The following ETF1 variants were observed in gnomAD, a reference collection of about 807,000 sequenced individuals.
ETF1 encodes the protein eukaryotic peptide chain release factor subunit 1.
A neutral mutation model predicts 55.1 loss-of-function variants in ETF1; 4 were observed. The ratio of observed to expected loss-of-function variants is 0.07; its 90% CI spans 0.04 to 0.17. The LOEUF (loss-of-function observed/expected upper bound fraction) is 0.17, where lower values mean the gene tolerates loss of function less well. Ranked by LOEUF, ETF1 falls within the 10% of genes least tolerant of loss-of-function variation. ETF1 has a pLI of 1.00. For synonymous variants in ETF1, 157 were observed against 182.3 expected (o/e 0.86, Z 1.12); for missense variants, 142 against 523.6 (o/e 0.27, Z 7.11).
In ETF1 at chr5:138,542,950, G is replaced by C. The variant is rs1175573975; in HGVS notation, c.-18-14C>G. On this transcript the variant is annotated splice_polypyrimidine_tract_variant and intron_variant, in intron 1 of 10. Transcript: ENST00000360541. ...GCCTCCTCCTCCCTAGAGCGGCCCG[G>C]CGGGGCCCGGAGACACCAAGACCAC... is the stretch of plus-strand genomic sequence containing the variant. The C allele has an allele frequency of 1.9e-6, 3 of 1,611,450 alleles. No homozygotes were observed. Among genetic ancestry groups the C allele is most frequent in the Admixed American group, 3.3e-5 (2 of 59,842 alleles).
chr5:138,522,364 G>C (rs1038219965), intron 2 of ETF1, among the ~76,000 whole-genome samples: 1 of 152,056 alleles, frequency 6.6e-6, no homozygotes, highest in African/African-American at 2.4e-5. Context: ...CAAAGACATA[G>C]CATGTGAAGA....
chr5:138,528,179 T>G (rs1236843555), intron 2 of ETF1, among the ~76,000 whole-genome samples: 1 of 152,096 alleles, frequency 6.6e-6, no homozygotes, highest in Admixed American at 6.5e-5. Context: ...TGAAAACGGA[T>G]GGCAAAGGTA....
intron 8 of ETF1, 22 bp from the exon 9 acceptor site, chr5:138,510,651 A>ATG: frequency 1.2e-6 from 2 of 1,613,008 alleles, no homozygotes; most frequent in Non-Finnish European, 1.7e-6. Context: ...GGAGGAAAAA[A>ATG]TGTGTTAACC....
At chr5:138,523,839 A>T (rs1465984029) in intron 2 of ETF1, among the ~76,000 whole-genome samples, 1 of 152,060 alleles carries the variant, frequency 6.6e-6, no homozygotes, top group Non-Finnish European at 1.5e-5. Context: ...GGCTTGAGGC[A>T]GAACTGCTTG....
At chr5:138,531,828 C>T (rs927890038) in intron 2 of ETF1, among the ~76,000 whole-genome samples, 4 of 152,136 alleles carry the variant, frequency 2.6e-5, no homozygotes, top group South Asian at 2.1e-4. Context: ...GGGCGGATCA[C>T]GAGGTCAGGA....
At chr5:138,534,853 C>G (rs968893692) in intron 2 of ETF1, among the ~76,000 whole-genome samples, 5 of 151,658 alleles carry the variant, frequency 3.3e-5, no homozygotes, top group Non-Finnish European at 7.4e-5. Context: ...CCTGTATGTA[C>G]TTTAATTTCT....
intron 1 of ETF1, 80 bp from the exon 2 acceptor site, chr5:138,543,016 C>G (rs1766252303): frequency 7.6e-7 from 1 of 1,320,132 alleles, no homozygotes; most frequent in Admixed American, 2.1e-5. Flanking sequence ...CCCCCTTCCT[C>G]GCCATCCCCC....
In ETF1 at chr5:138,508,404, A is replaced by G. The variant is rs199874636; in HGVS notation, c.1232-17T>C. On this transcript the variant is annotated splice_polypyrimidine_tract_variant and intron_variant, in intron 10 of 10. Coordinates refer to ENST00000360541, the MANE Select transcript of ETF1 (RefSeq NM_004730.4). ...GCAAGATACCTGGGGAAACAAACCA[A>G]AAGGTAAATTACCTGTGTTCATGGG... 1 of 1,613,474 alleles carries G rather than the reference A, an allele frequency of 6.2e-7. No individual in the cohort carries two copies. The highest frequency in any genetic ancestry group is 1.3e-5 in the African/African-American group (1 of 75,052).
chr5:138,537,681 G>A (rs467365), intron 2 of ETF1, among the ~76,000 whole-genome samples: 8,419 of 140,466 alleles, frequency 0.06, 301 homozygotes, highest in African/African-American at 0.11. Flanking sequence ...TCCGCCTCCC[G>A]GGTTCAAGCC....
intron 3 of ETF1, 199 bp from the exon 4 acceptor site, chr5:138,517,899 T>TA: frequency 1.0e-6 from 1 of 985,178 alleles, no homozygotes; most frequent in Non-Finnish European, 1.2e-6. Context: ...CAGTACGATT[T>TA]ATTCTTTAAA....
At chr5:138,522,406 T>C (rs1293943126) in intron 2 of ETF1, among the ~76,000 whole-genome samples, 2 of 152,124 alleles carry the variant, frequency 1.3e-5, no homozygotes, top group African/African-American at 2.4e-5. Context: ...CTGTTGGGAA[T>C]GTTAAGTGGT....
chr5:138,511,403 T>TACACACACAC (rs71574422), intron 7 of ETF1, 72 bp downstream of exon 7: 33 of 967,762 alleles, frequency 3.4e-5, no homozygotes, highest in South Asian at 9.3e-5. Context: ...CACACACACA[T>TACACACACAC]ACACACACAC....
At chr5:138,511,421 C>T (rs1187649985) in intron 7 of ETF1, 54 bp downstream of exon 7, 1 of 1,596,430 alleles carries the variant, frequency 6.3e-7, no homozygotes, top group Non-Finnish European at 8.5e-7. Context: ...CACACACACA[C>T]ACACACACAC....
intron 2 of ETF1, among the ~76,000 whole-genome samples, chr5:138,525,846 T>C (rs1765446709): frequency 6.6e-6 from 1 of 150,388 alleles, no homozygotes; most frequent in East Asian, 2.0e-4. Context: ...CTTTGAAGGC[T>C]GAGGCAGGAG....
At chr5:138,515,076 G>T (rs941036134) in intron 4 of ETF1, among the ~76,000 whole-genome samples, 20 of 152,166 alleles carry the variant, frequency 1.3e-4, no homozygotes, top group Non-Finnish European at 2.1e-4. Flanking sequence ...TGACTAGAAA[G>T]CAGATGGATC....
chr5:138,510,577 G>A lies in ETF1; in HGVS notation c.1071C>T (p.Phe357=), dbSNP rs1300811696. 3.1e-6 allele frequency: 5 copies of A among 1,609,538 alleles called. No homozygotes were observed. The highest frequency in any genetic ancestry group is 1.6e-4 in the Middle Eastern group (1 of 6,080). The stretch of plus-strand genomic sequence containing the variant: ...AATAATCACATACCTCTTTGTCTGT[G>A]AAATGAGATTTATCCTTTTCTTGCT... ...TPEQEKDKSH[F]TDKETGQEHE... is the part of the protein sequence containing the mutation. The change falls in exon 9 of 11, where the codon TTC becomes TTT. Residue 357 remains phenylalanine (F), a synonymous_variant. Transcript: ENST00000360541.
intron 2 of ETF1, chr5:138,541,851 CT>C (rs565163612): frequency 3.5e-4 from 113 of 321,466 alleles, no homozygotes; most frequent in African/African-American, 2.4e-3. Flanking sequence ...AGGAATACCC[CT>C]GGCACACCTT....
intron 9 of ETF1, 96 bp downstream of exon 9, chr5:138,510,469 G>A (rs1764729227): frequency 7.8e-6 from 6 of 766,864 alleles, no homozygotes; most frequent in Non-Finnish European, 1.3e-5. Context: ...TTAGTATAAG[G>A]TTTGGTTTCC....
At chr5:138,513,433 T>A (rs576332825) in intron 5 of ETF1, 135 bp downstream of exon 5, 1 of 829,560 alleles carries the variant, frequency 1.2e-6, no homozygotes, top group Non-Finnish European at 1.9e-6. Flanking sequence ...CTCGAACTTC[T>A]GACTTCGTGA....
Sources: gnomAD v4.1 joint callset for allele counts (sites outside exome capture counted in the v4.1 genomes callset) on GRCh38, gnomAD v4.1.1 for gene constraint, MANE v1.5 for transcripts, NCBI Gene and HGNC (gene_info 2026-07-23, HGNC 2026-07-21) for gene names.